Variants in ANO10 observed in about 807,000 individuals in gnomAD.
The protein encoded by ANO10 is anoctamin 10, also known as anoctamin-10.
Under a neutral mutation model 74.7 loss-of-function variants are expected in ANO10, and 77 were observed. That is an observed-to-expected ratio of 1.03 (90% CI 0.86 to 1.25). The LOEUF (loss-of-function observed/expected upper bound fraction) is 1.25, where lower values mean the gene tolerates loss of function less well. Among genes scored for constraint, ANO10 ranks in the 50% most tolerant of loss-of-function variants. The pLI, the probability that ANO10 is intolerant of heterozygous loss-of-function variation, is 0.00. For missense variants in ANO10, 721 were observed against 778.1 expected (o/e 0.93, Z 0.87); for synonymous variants, 279 against 284.9 (o/e 0.98, Z 0.21).
intron 12 of ANO10, among the ~76,000 whole-genome samples, chr3:43,376,030 CTG>C (rs2091793754): frequency 6.6e-6 from 1 of 152,180 alleles, no homozygotes; most frequent in South Asian, 2.1e-4. Context: ...TGGTTCATTG[CTG>C]TGTGTGCCCC....
chr3:43,600,513 A>G lies in ANO10; in HGVS notation c.208T>C (p.Tyr70His), dbSNP rs1365903662. 4 of 1,613,636 alleles carry G rather than the reference A, an allele frequency of 2.5e-6. No homozygotes were observed. Among genetic ancestry groups the G allele is most frequent in the Middle Eastern group, 1.6e-4 (1 of 6,062 alleles). ...EQETLENQNL[Y>H]LVGASKIRML... The stretch of plus-strand genomic sequence containing the variant: ...CTAATCTTGGAGGCACCAACAAGAT[A>G]TAAGTTCTGATTTTCTAGTGTTTCT... Residue 70 changes from tyrosine to histidine, a missense_variant, in exon 3 of 13, where the codon TAT becomes CAT. Physicochemically the swap from Tyr to His is moderately conservative, Grantham distance 83 (BLOSUM62 2). Transcript: ENST00000292246.
chr3:43,533,898 G>A (rs192282362), intron 11 of ANO10, among the ~76,000 whole-genome samples: 8 of 152,206 alleles, frequency 5.3e-5, no homozygotes, highest in Admixed American at 3.3e-4. Flanking sequence ...ATTCTTATTT[G>A]TACTAAACAA....
intron 4 of ANO10, among the ~76,000 whole-genome samples, chr3:43,586,126 C>T (rs1205887515): frequency 2.0e-5 from 3 of 152,200 alleles, no homozygotes; most frequent in Admixed American, 6.5e-5. Flanking sequence ...CCACAGTCCC[C>T]TTGCTCAGAA....
intron 5 of ANO10, among the ~76,000 whole-genome samples, chr3:43,579,742 C>CAA (rs1339064300): frequency 6.6e-6 from 1 of 151,922 alleles, no homozygotes; most frequent in Non-Finnish European, 1.5e-5. Flanking sequence ...AAAACAAAAA[C>CAA]AAAAAAACTT....
intron 11 of ANO10, among the ~76,000 whole-genome samples, chr3:43,472,305 A>G (rs897824826): frequency 2.6e-5 from 4 of 152,186 alleles, no homozygotes; most frequent in Non-Finnish European, 5.9e-5. Context: ...TTTGATTATT[A>G]TTACATGAAT....
intron 11 of ANO10, among the ~76,000 whole-genome samples, chr3:43,450,906 T>C (rs1047360312): frequency 2.0e-5 from 3 of 152,236 alleles, no homozygotes; most frequent in African/African-American, 7.2e-5. Context: ...TGAATTTCTA[T>C]AAATGGATTA....
intron 11 of ANO10, among the ~76,000 whole-genome samples, chr3:43,475,812 G>A (rs1241586082): frequency 6.6e-6 from 1 of 152,080 alleles, no homozygotes; most frequent in Non-Finnish European, 1.5e-5. Flanking sequence ...ATGTTGGCCA[G>A]GCTGGTCTTG....
chr3:43,487,541 A>T (rs1422868258), intron 11 of ANO10, among the ~76,000 whole-genome samples: 1 of 151,940 alleles, frequency 6.6e-6, no homozygotes, highest in Non-Finnish European at 1.5e-5. Flanking sequence ...GGGAGAGTGT[A>T]TGTGTCGAGG....
intron 1 of ANO10, among the ~76,000 whole-genome samples, chr3:43,627,109 T>C (rs1280598500): frequency 1.3e-5 from 2 of 152,220 alleles, no homozygotes; most frequent in Non-Finnish European, 2.9e-5. Flanking sequence ...TTCCACTAAG[T>C]GACAAGGCCA....
At chr3:43,445,915 G>T (rs551328929) in intron 11 of ANO10, among the ~76,000 whole-genome samples, 59 of 152,186 alleles carry the variant, frequency 3.9e-4, no homozygotes, top group Non-Finnish European at 7.9e-4. Context: ...GCCCAGGCTG[G>T]TCTTGAACTC....
intron 11 of ANO10, among the ~76,000 whole-genome samples, chr3:43,489,107 G>A (rs1329329447): frequency 1.3e-5 from 2 of 148,560 alleles, no homozygotes; most frequent in Non-Finnish European, 3.0e-5. Flanking sequence ...ACGCATAGGT[G>A]GGAATTGAAC....
chr3:43,506,830 G>A (rs183278911), intron 11 of ANO10, among the ~76,000 whole-genome samples: 2 of 152,196 alleles, frequency 1.3e-5, no homozygotes, highest in African/African-American at 2.4e-5. Flanking sequence ...CACCCCCACC[G>A]TGGTACTTCC....
intron 1 of ANO10, among the ~76,000 whole-genome samples, chr3:43,676,404 G>A (rs2084122133): frequency 6.6e-6 from 1 of 152,120 alleles, no homozygotes; most frequent in African/African-American, 2.4e-5. Context: ...AGGCCGTACT[G>A]AGCCAGGTTT....
intron 12 of ANO10, among the ~76,000 whole-genome samples, chr3:43,371,228 T>C (rs960769172): frequency 2.0e-5 from 3 of 151,980 alleles, no homozygotes; most frequent in Admixed American, 6.5e-5. Flanking sequence ...GGCTGAAGGA[T>C]AGAAAATCCC....
rs2079687723 is a variant in ANO10, at chr3:43,555,323, G to A, written c.1623C>T (p.Phe541=). The A allele has an allele frequency of 1.9e-6, 3 of 1,613,918 alleles. No homozygotes were observed. The African/African-American group carries it at 4.0e-5, about 22-fold the overall frequency. ...NSDALKMCRV[F]KRPFSEPSAN... is the part of the protein sequence containing the mutation. ...CTGAAGGTTCTGAGAATGGACGTTTGAAGACCCTGCACATTTTTAAGGCAT... is the reference window on the plus strand; with the variant it reads ...CTGAAGGTTCTGAGAATGGACGTTTAAAGACCCTGCACATTTTTAAGGCAT... The change falls in exon 10 of 13, where the codon TTC becomes TTT. Residue 541 remains phenylalanine (F), a synonymous_variant. Transcript: ENST00000292246.
Position 43,389,380 on chromosome 3 carries a change from A to G in ANO10, c.1915-22406T>C, listed in dbSNP as rs896481948. On this transcript the variant is annotated intron_variant, in intron 12 of 12. Transcript: ENST00000292246. Reference sequence around the variant, plus strand: ...TGCTACCCTGAAAGACCTCCAAGTCATTTTGTTAAAAGGACATGAAATAAA... The same window carrying G: ...TGCTACCCTGAAAGACCTCCAAGTCGTTTTGTTAAAAGGACATGAAATAAA... 2.0e-5 allele frequency among the ~76,000 whole-genome samples: 3 copies of G among 152,352 alleles called. No individual in the cohort carries two copies. In the South Asian group the frequency reaches 6.2e-4, roughly 32 times the overall value.
chr3:43,510,193 G>A (rs1002444744), intron 11 of ANO10, among the ~76,000 whole-genome samples: 5 of 152,062 alleles, frequency 3.3e-5, no homozygotes, highest in African/African-American at 9.7e-5. Context: ...TAGCACTGTC[G>A]GAGGCCAAGG....
chr3:43,640,172 A>G (rs988004547), intron 1 of ANO10, among the ~76,000 whole-genome samples: 8 of 152,230 alleles, frequency 5.3e-5, no homozygotes, highest in African/African-American at 1.4e-4. Flanking sequence ...ATGGGTTTCA[A>G]TTTCACAAGA....
At chr3:43,557,332 A>G (rs1189030242) in intron 9 of ANO10, among the ~76,000 whole-genome samples, 1 of 152,214 alleles carries the variant, frequency 6.6e-6, no homozygotes, top group Non-Finnish European at 1.5e-5. Flanking sequence ...ATAGATTTAC[A>G]AAAGCCAATT....
Sources: allele counts gnomAD v4.1 joint callset (sites outside exome capture counted in the v4.1 genomes callset), GRCh38; gene constraint gnomAD v4.1.1; transcripts MANE v1.5; gene names NCBI Gene and HGNC (gene_info 2026-07-23, HGNC 2026-07-21).